Variants in ASAP2 observed in about 807,000 individuals in gnomAD.
ASAP2 encodes arf-GAP with SH3 domain, ANK repeat and PH domain-containing protein 2.
In ASAP2, 45 loss-of-function variants were observed where a neutral mutation model predicts 131.4. That is an observed-to-expected ratio of 0.34 (90% CI 0.27 to 0.44). The LOEUF (loss-of-function observed/expected upper bound fraction) is 0.44, where lower values mean the gene tolerates loss of function less well. Among genes scored for constraint, ASAP2 ranks in the 20% least tolerant of loss-of-function variants. The probability of loss-of-function intolerance (pLI) is 1.00; values close to 1 mark genes in which losing one functional copy is unlikely to be tolerated. For missense variants in ASAP2, 1,011 were observed against 1,297.0 expected (o/e 0.78, Z 3.39); for synonymous variants, 510 against 503.0 (o/e 1.01, Z -0.19).
rs561906674 is a variant in ASAP2 at position 9,389,584 on chromosome 2, C to T, written c.2383+1038C>T. Among the ~76,000 whole-genome samples, 17 of 152,268 alleles carry T rather than the reference C, an allele frequency of 1.1e-4. No individual in the cohort carries two copies. The highest frequency in any genetic ancestry group is 8.3e-4 in the South Asian group (4 of 4,824). On this transcript the variant is annotated intron_variant, in intron 22 of 27. Coordinates refer to ENST00000281419, the MANE Select transcript of ASAP2 (RefSeq NM_003887.3). The surrounding 1 kb of genome is among the most constrained non-coding windows in gnomAD (Gnocchi z 4.7). Reference sequence around the variant, plus strand: ...GTGCTGCTGGGCCCATCTTCCCTGCCGTCCTGGGTGTCTCACAGACCCTCA... The same window carrying T: ...GTGCTGCTGGGCCCATCTTCCCTGCTGTCCTGGGTGTCTCACAGACCCTCA...
At chr2:9,238,083 C>T (rs536877797) in intron 1 of ASAP2, among the ~76,000 whole-genome samples, 3 of 152,220 alleles carry the variant, frequency 2.0e-5, no homozygotes, top group South Asian at 4.2e-4. Flanking sequence ...CTCTGGCCTC[C>T]GACTGCTGGG....
At chr2:9,312,095 T>G (rs1669339581) in intron 3 of ASAP2, among the ~76,000 whole-genome samples, 1 of 152,230 alleles carries the variant, frequency 6.6e-6, no homozygotes, top group South Asian at 2.1e-4. Flanking sequence ...CCAGTAACTT[T>G]ACCAAGTGGT....
chr2:9,248,433 G>A (rs1664485841), intron 1 of ASAP2, among the ~76,000 whole-genome samples: 1 of 151,936 alleles, frequency 6.6e-6, no homozygotes, highest in Non-Finnish European at 1.5e-5. Flanking sequence ...CAAGCATGGG[G>A]AAAATGCCAG....
intron 1 of ASAP2, among the ~76,000 whole-genome samples, chr2:9,246,877 C>T (rs1031978123): frequency 6.6e-6 from 1 of 151,864 alleles, no homozygotes; most frequent in Non-Finnish European, 1.5e-5. Context: ...AGTCTTGCTC[C>T]ATCATCAGGC....
chr2:9,241,962 C>G (rs1312707050), intron 1 of ASAP2, among the ~76,000 whole-genome samples: 2 of 151,304 alleles, frequency 1.3e-5, no homozygotes, highest in African/African-American at 2.4e-5. Flanking sequence ...ATCAGGCGGA[C>G]ACATGTGAAT....
chr2:9,237,008 G>C (rs1220504464), intron 1 of ASAP2, among the ~76,000 whole-genome samples: 1 of 152,184 alleles, frequency 6.6e-6, no homozygotes, highest in Non-Finnish European at 1.5e-5. Context: ...AGTGAAGGCA[G>C]GACGAGGTCC....
chr2:9,264,799 T>C (rs745794509), intron 1 of ASAP2, among the ~76,000 whole-genome samples: 19 of 152,002 alleles, frequency 1.2e-4, no homozygotes, highest in Non-Finnish European at 2.5e-4. Flanking sequence ...AAGGGGAAAA[T>C]ATTCAAGAAA....
At chr2:9,236,212 G>A (rs1663542286) in intron 1 of ASAP2, among the ~76,000 whole-genome samples, 1 of 152,102 alleles carries the variant, frequency 6.6e-6, no homozygotes, top group African/African-American at 2.4e-5. Flanking sequence ...GTGGGCCTGA[G>A]TCTCTCTGTA....
intron 1 of ASAP2, among the ~76,000 whole-genome samples, chr2:9,249,003 A>AG (rs1414717984): frequency 1.3e-5 from 2 of 152,220 alleles, no homozygotes; most frequent in Non-Finnish European, 2.9e-5. Context: ...CCGAATACAT[A>AG]GGATGCTAGA....
chr2:9,401,370 G>C lies in ASAP2; in HGVS notation c.2920G>C (p.Asp974His). Residue 974 changes from aspartate (D) to histidine (H), a missense_variant, in exon 27 of 28, where the codon GAC becomes CAC. This residue lies in a region of ASAP2 where 652 missense variants were observed against 698.9 expected (regional missense o/e 0.93). Transcript: ENST00000281419. ...TFSEGDVIIVDGEEDQEWWIG... is the reference protein window; with the variant it reads ...TFSEGDVIIVHGEEDQEWWIG... ...CTCCGAGGGGGATGTGATCATCGTG[G>C]ACGGGGAGGAGGACCAGGAGTGGTG... 6.2e-7 allele frequency: 1 copy of C among 1,613,688 alleles called. No homozygotes were observed. Among genetic ancestry groups the C allele is most frequent in the South Asian group, 1.1e-5 (1 of 91,078 alleles).
At chr2:9,286,074 A>C in intron 2 of ASAP2, among the ~76,000 whole-genome samples, 1 of 152,204 alleles carries the variant, frequency 6.6e-6, no homozygotes, top group Non-Finnish European at 1.5e-5. Flanking sequence ...TATATATAAT[A>C]GTTGAGGAAA....
chr2:9,379,269 G>A (rs895408711), intron 19 of ASAP2, among the ~76,000 whole-genome samples: 1 of 152,204 alleles, frequency 6.6e-6, no homozygotes, highest in East Asian at 1.9e-4. Flanking sequence ...GACTTTGGGC[G>A]CGTTTACAGG....
chr2:9,271,839 T>G (rs1666424067), intron 1 of ASAP2, among the ~76,000 whole-genome samples: 1 of 152,112 alleles, frequency 6.6e-6, no homozygotes, highest in Admixed American at 6.5e-5. Context: ...CTTATTTCCC[T>G]TAACATAATA....
At chr2:9,210,574 A>G (rs1221551864) in intron 1 of ASAP2, among the ~76,000 whole-genome samples, 1 of 150,068 alleles carries the variant, frequency 6.7e-6, no homozygotes, top group African/African-American at 2.5e-5. Flanking sequence ...TTTTTTTTTG[A>G]GATGGAGTCT....
intron 3 of ASAP2, among the ~76,000 whole-genome samples, chr2:9,300,563 G>T (rs1345440931): frequency 6.6e-6 from 1 of 152,206 alleles, no homozygotes; most frequent in African/African-American, 2.4e-5. Context: ...TATCAATAAA[G>T]GTATCTGTGG....
chr2:9,318,385 A>G (rs1334299282), intron 3 of ASAP2, 139 bp from the exon 4 acceptor site: 2 of 649,376 alleles, frequency 3.1e-6, no homozygotes, highest in African/African-American at 3.7e-5. Flanking sequence ...GTATGACTGA[A>G]TAAGGCACAG....
At position 9,363,498 on chromosome 2, in the gene ASAP2, G is replaced by A. The variant is rs191921447; in HGVS notation, c.1461+4609G>A. ...CCATTCTAACAGGTGTGAGATGATC[G>A]TGGTTTTAATTTGCATTTCCCTGAT... On this transcript the variant is annotated intron_variant, in intron 15 of 27. Coordinates refer to ENST00000281419, the MANE Select transcript of ASAP2 (RefSeq NM_003887.3). 2.5e-3 allele frequency among the ~76,000 whole-genome samples: 386 copies of A among 152,262 alleles called. 2 individuals carry two copies. The highest frequency in any genetic ancestry group is 9.0e-3 in the African/African-American group (374 of 41,536).
intron 15 of ASAP2, among the ~76,000 whole-genome samples, chr2:9,366,200 A>AT (rs1280129318): frequency 2.0e-5 from 3 of 152,064 alleles, no homozygotes; most frequent in African/African-American, 4.8e-5. Context: ...TTTCTCTAGC[A>AT]TTGGATGAGT....
In ASAP2 at chr2:9,275,082, G is replaced by GTTTTTTTT. The variant is rs753527243; in HGVS notation, c.127-4226_127-4219dup. ...CCATGTTTTGTTTTTTCATTTGTCTGTTTTTTTTTTTTTTTTAAGAGACAG... is the reference window on the plus strand; with the variant it reads ...CCATGTTTTGTTTTTTCATTTGTCTGTTTTTTTTTTTTTTTTTTTTTTTTAAGAGACAG... On this transcript the variant is annotated intron_variant, in intron 1 of 27. Transcript: ENST00000281419. Among the ~76,000 whole-genome samples, 249 of 128,812 alleles carry GTTTTTTTT rather than the reference G, an allele frequency of 1.9e-3. 3 individuals are homozygous for GTTTTTTTT. The highest frequency in any genetic ancestry group is 0.017 in the South Asian group (66 of 3,804). The allele number at this position is 128,812 out of a possible 152,430, so 84.5% of individuals were successfully genotyped here.
Sources: gnomAD v4.1 joint callset for allele counts (sites outside exome capture counted in the v4.1 genomes callset) on GRCh38, gnomAD v4.1.1 for gene constraint, gnomAD v4.1.1 regional missense constraint, Gnocchi (gnomAD v3.1) non-coding constraint, MANE v1.5 for transcripts, NCBI Gene and HGNC (gene_info 2026-07-23, HGNC 2026-07-21) for gene names.